IL7: variants seen among roughly 807,000 people sequenced by gnomAD.
IL7 encodes the protein interleukin-7.
Under a neutral mutation model 21.6 loss-of-function variants are expected in IL7, and 3 were observed. The ratio of observed to expected loss-of-function variants is 0.14; its 90% CI spans 0.06 to 0.36. The LOEUF (loss-of-function observed/expected upper bound fraction) is 0.36. Among genes scored for constraint, IL7 ranks in the 10% least tolerant of loss-of-function variants. The probability of loss-of-function intolerance (pLI) is 1.00; values close to 1 mark genes in which losing one functional copy is unlikely to be tolerated. For missense variants in IL7, 175 were observed against 200.2 expected, an observed-to-expected ratio of 0.87 and a Z score of 0.76; for synonymous variants, 62 against 68.1, an observed-to-expected ratio of 0.91 and a Z score of 0.44.
rs180733198 is a variant in IL7 at position 78,779,850 on chromosome 8, C to A, written c.147+18222G>T. 3.9e-5 allele frequency among the ~76,000 whole-genome samples: 6 copies of A among 152,136 alleles called. No individual in the cohort carries two copies. In the East Asian group the frequency reaches 1.2e-3, roughly 29 times the overall value. On this transcript the variant is annotated intron_variant, in intron 2 of 5. Coordinates refer to ENST00000263851, the MANE Select transcript of IL7 (RefSeq NM_000880.4). ...TTTGTACCTCTGGTAGAATTCAGCT[C>A]TAAATCTGTCTGGTCGCGGGTTTTC... is the stretch of plus-strand genomic sequence containing the variant.
At chr8:78,676,706 A>C (rs1218505984) in intron 4 of IL7, among the ~76,000 whole-genome samples, 1 of 152,042 alleles carries the variant, frequency 6.6e-6, no homozygotes, top group East Asian at 1.9e-4. Context: ...GGCACCTTTT[A>C]AATAATGATG....
chr8:78,706,099 G>T (rs1468618633), intron 3 of IL7, among the ~76,000 whole-genome samples: 3 of 152,144 alleles, frequency 2.0e-5, no homozygotes, highest in Non-Finnish European at 4.4e-5. Context: ...ACTCTCCAAA[G>T]CCTGCAGAAC....
In IL7 at chr8:78,690,631, A is replaced by G. The variant is rs190143269; in HGVS notation, n.215-4684T>C. 7.9e-5 allele frequency among the ~76,000 whole-genome samples: 12 copies of G among 152,256 alleles called. No individual in the cohort carries two copies. In the East Asian group the frequency reaches 2.3e-3, roughly 29 times the overall value. ...TACATTTTATAATTGACTTGTCAAC[A>G]TCTACAAAAAATGACTTCTAGCATT... On this transcript the variant is annotated intron_variant and non_coding_transcript_variant, in intron 3 of 4. Coordinates refer to the IL7 transcript ENST00000523959.
chr8:78,771,270 G>A (rs1812940322), intron 2 of IL7, among the ~76,000 whole-genome samples: 1 of 150,760 alleles, frequency 6.6e-6, no homozygotes, highest in Non-Finnish European at 1.5e-5. Flanking sequence ...ACCACTTCCA[G>A]CTCTGGCTTG....
chr8:78,793,393 A>G (rs1378291923), intron 2 of IL7, among the ~76,000 whole-genome samples: 2 of 152,200 alleles, frequency 1.3e-5, no homozygotes. Flanking sequence ...TAAAGCAAGT[A>G]TCACAATACA....
intron 2 of IL7, among the ~76,000 whole-genome samples, chr8:78,793,537 G>T (rs1813762192): frequency 1.3e-5 from 2 of 151,958 alleles, no homozygotes; most frequent in South Asian, 4.1e-4. Flanking sequence ...AGAATTTTTT[G>T]CTGAAAAATG....
At chr8:78,741,021 A>G (rs1188801766) in intron 2 of IL7, among the ~76,000 whole-genome samples, 2 of 152,208 alleles carry the variant, frequency 1.3e-5, no homozygotes, top group Admixed American at 6.5e-5. Flanking sequence ...ACTCCATGCT[A>G]TCAGAGCTTC....
chr8:78,761,485 T>C (rs1458633927), intron 2 of IL7: 11 of 1,611,376 alleles, frequency 6.8e-6, no homozygotes, highest in Non-Finnish European at 9.3e-6. Context: ...ACTTCTCAGT[T>C]ATCATAGTGT....
intron 4 of IL7, among the ~76,000 whole-genome samples, chr8:78,683,872 A>G (rs1052167039): frequency 6.6e-6 from 1 of 152,240 alleles, no homozygotes; most frequent in South Asian, 2.1e-4. Context: ...GTTTAAAGCC[A>G]CAGATCTCTA....
At chr8:78,779,542 T>C (rs1026558150) in intron 2 of IL7, among the ~76,000 whole-genome samples, 3 of 152,226 alleles carry the variant, frequency 2.0e-5, no homozygotes, top group African/African-American at 7.2e-5. Flanking sequence ...ATTACATTTA[T>C]TGATTTTTGT....
At chr8:78,803,419 A>T (rs934756387) in intron 1 of IL7, among the ~76,000 whole-genome samples, 8 of 152,228 alleles carry the variant, frequency 5.3e-5, no homozygotes, top group East Asian at 1.9e-4. Flanking sequence ...AGAAATGGCA[A>T]AGACAAAGGG....
chr8:78,697,409 T>C (rs1180282716), intron 3 of IL7: 2 of 1,592,478 alleles, frequency 1.3e-6, no homozygotes, highest in South Asian at 1.2e-5. Flanking sequence ...TATTTTAGTA[T>C]AAGCCACCCG....
chr8:78,703,452 G>GT (rs1401266295), intron 3 of IL7, among the ~76,000 whole-genome samples: 1 of 151,870 alleles, frequency 6.6e-6, no homozygotes, highest in Non-Finnish European at 1.5e-5. Flanking sequence ...ATGAATCTGA[G>GT]TGCTCCTGTG....
chr8:78,790,574 C>G (rs1052999565), intron 2 of IL7, among the ~76,000 whole-genome samples: 7 of 152,010 alleles, frequency 4.6e-5, no homozygotes, highest in Admixed American at 3.3e-4. Context: ...AAAGATGACT[C>G]AAACATAAAA....
rs1332458391 is a variant in IL7 at position 78,718,919 on chromosome 8, A to C, written n.578+90T>G. ...ATCAACTATAAGACACAATGTAAAG[A>C]ATTGTGGCTTATAATTTATCTGAAA... On this transcript the variant is annotated intron_variant and non_coding_transcript_variant, in intron 6 of 6. Transcript: ENST00000519833. 2.0e-5 allele frequency: 3 copies of C among 151,684 alleles called. 1 individual carries two copies. 9.4% of individuals were successfully genotyped at this position (151,684 alleles called of 1,614,324 possible).
At chr8:78,688,883 T>C (rs1030113361) in intron 3 of IL7, among the ~76,000 whole-genome samples, 2 of 152,134 alleles carry the variant, frequency 1.3e-5, no homozygotes, top group African/African-American at 2.4e-5. Context: ...ATATAAAGTA[T>C]GTATCCATTA....
In IL7 at chr8:78,712,211, T is replaced by C. The variant is rs950011909; in HGVS notation, n.214+9137A>G. The C allele has an allele frequency of 1.1e-5, 6 of 529,018 alleles. No homozygotes were observed. The Admixed American group carries it at 1.8e-4, about 16-fold the overall frequency. 32.8% of individuals were successfully genotyped at this position (529,018 alleles called of 1,614,324 possible). A position where few individuals can be genotyped will look rare whatever the true frequency, so the allele number is the denominator to read the frequency against. ...TTACTGTCCTATACTTAAAAAAATC[T>C]GTTGAATAATTTCTAAGCCAAAATG... On this transcript the variant is annotated intron_variant and non_coding_transcript_variant, in intron 3 of 4. Transcript: ENST00000523959.
At chr8:78,797,909 G>A (rs1813914973) in intron 2 of IL7, 163 bp downstream of exon 2, 1 of 473,448 alleles carries the variant, frequency 2.1e-6, no homozygotes, top group Non-Finnish European at 3.8e-6. Context: ...ACATAATTAT[G>A]TCAGCTATAA....
intron 4 of IL7, chr8:78,721,140 A>G (rs972793690): frequency 6.6e-6 from 1 of 152,028 alleles, no homozygotes; most frequent in Non-Finnish European, 1.5e-5. Context: ...TGATACCTAA[A>G]CAGACAATTA....
Sources: gnomAD v4.1 joint callset for allele counts (sites outside exome capture counted in the v4.1 genomes callset) on GRCh38, gnomAD v4.1.1 for gene constraint, MANE v1.5 for transcripts, NCBI Gene and HGNC (gene_info 2026-07-23, HGNC 2026-07-21) for gene names.